CTNNA3: variants seen among roughly 807,000 people sequenced by gnomAD.
CTNNA3 encodes catenin alpha 3.
A neutral mutation model predicts 95.7 loss-of-function variants in CTNNA3; 76 were observed. That is an observed-to-expected ratio of 0.79 (90% CI 0.66 to 0.96). CTNNA3 has a LOEUF of 0.96. Ranked by LOEUF, CTNNA3 falls within the 40% of genes least tolerant of loss-of-function variation. The probability of loss-of-function intolerance (pLI) is 0.00; values close to 1 mark genes in which losing one functional copy is unlikely to be tolerated. For missense variants in CTNNA3, 1,191 were observed against 1,089.8 expected (o/e 1.09, Z -1.31); for synonymous variants, 431 against 374.4 (o/e 1.15, Z -1.74).
At chr10:67,623,995 G>A (rs1243336836) in intron 2 of CTNNA3, among the ~76,000 whole-genome samples, 1 of 152,012 alleles carries the variant, frequency 6.6e-6, no homozygotes, top group Non-Finnish European at 1.5e-5. Context: ...CTAATTTTTT[G>A]TATTTTTAGT....
At chr10:67,005,215 A>G (rs1417173266) in intron 7 of CTNNA3, among the ~76,000 whole-genome samples, 1 of 152,202 alleles carries the variant, frequency 6.6e-6, no homozygotes, top group Non-Finnish European at 1.5e-5. Context: ...CCAAAGCCAG[A>G]CAATGGTGCT....
At chr10:67,429,548 G>A (rs994075899) in intron 5 of CTNNA3, among the ~76,000 whole-genome samples, 3 of 151,966 alleles carry the variant, frequency 2.0e-5, no homozygotes, top group Non-Finnish European at 4.4e-5. Context: ...TTATTAGCTA[G>A]TAGAACTCAG....
intron 11 of CTNNA3, among the ~76,000 whole-genome samples, chr10:66,515,477 A>C: frequency 6.6e-6 from 1 of 152,202 alleles, no homozygotes; most frequent in East Asian, 1.9e-4. Context: ...CTAACTTGTC[A>C]ATTGATCTAC....
At chr10:67,116,946 TC>T (rs1297676417) in intron 7 of CTNNA3, among the ~76,000 whole-genome samples, 2 of 151,706 alleles carry the variant, frequency 1.3e-5, no homozygotes, top group Non-Finnish European at 2.9e-5. Context: ...GAACTTACTA[TC>T]TTCAAGACAC....
At chr10:66,336,199 C>G (rs2092393954) in intron 12 of CTNNA3, among the ~76,000 whole-genome samples, 1 of 152,012 alleles carries the variant, frequency 6.6e-6, no homozygotes, top group African/African-American at 2.4e-5. Flanking sequence ...AATGCCTCAC[C>G]CTGCTTCGGC....
At chr10:66,891,209 G>C (rs946910875) in intron 7 of CTNNA3, among the ~76,000 whole-genome samples, 1 of 152,058 alleles carries the variant, frequency 6.6e-6, no homozygotes, top group Non-Finnish European at 1.5e-5. Context: ...CCATTATGTA[G>C]AAACAAATAT....
At chr10:67,328,145 A>G (rs1372105953) in intron 5 of CTNNA3, among the ~76,000 whole-genome samples, 1 of 152,182 alleles carries the variant, frequency 6.6e-6, no homozygotes, top group Non-Finnish European at 1.5e-5. Context: ...ACATGCCAGC[A>G]AAGCAATGTG....
intron 17 of CTNNA3, among the ~76,000 whole-genome samples, chr10:65,954,424 C>T (rs2077688194): frequency 6.6e-6 from 1 of 152,150 alleles, no homozygotes; most frequent in Admixed American, 6.5e-5. Flanking sequence ...GCTTTTGTTG[C>T]CACTGCTTTT....
At chr10:66,512,871 G>A (rs1318414373) in intron 11 of CTNNA3, among the ~76,000 whole-genome samples, 1 of 152,102 alleles carries the variant, frequency 6.6e-6, no homozygotes. Flanking sequence ...TGAGAAATCT[G>A]CTGTTAGTCG....
At chr10:67,282,538 T>C (rs1326482954) in intron 5 of CTNNA3, among the ~76,000 whole-genome samples, 1 of 152,256 alleles carries the variant, frequency 6.6e-6, no homozygotes, top group Non-Finnish European at 1.5e-5. Flanking sequence ...AGTCTACTTT[T>C]ATGTTTTCTT....
chr10:65,953,843 C>T (rs1039427744), intron 17 of CTNNA3, among the ~76,000 whole-genome samples: 2 of 152,150 alleles, frequency 1.3e-5, no homozygotes, highest in Non-Finnish European at 2.9e-5. Context: ...CCACAATAAA[C>T]ATATGTGTGC....
At chr10:66,502,426 A>G (rs1395439751) in intron 11 of CTNNA3, among the ~76,000 whole-genome samples, 2 of 152,120 alleles carry the variant, frequency 1.3e-5, no homozygotes, top group Admixed American at 1.3e-4. Context: ...TAATCTATCT[A>G]CCTCAATAAT....
At chr10:66,078,716 T>C (rs1449047758) in intron 14 of CTNNA3, among the ~76,000 whole-genome samples, 1 of 151,940 alleles carries the variant, frequency 6.6e-6, no homozygotes. Context: ...TTTAATTGCA[T>C]TGTGTTTTCT....
chr10:67,166,607 G>GT (rs1861778762), intron 7 of CTNNA3, among the ~76,000 whole-genome samples: 1 of 152,104 alleles, frequency 6.6e-6, no homozygotes, highest in Non-Finnish European at 1.5e-5. Flanking sequence ...TAATAAAGCT[G>GT]TAACTAACAA....
intron 5 of CTNNA3, among the ~76,000 whole-genome samples, chr10:67,343,084 C>T (rs1842276648): frequency 6.6e-6 from 1 of 152,098 alleles, no homozygotes; most frequent in Admixed American, 6.5e-5. Context: ...TTCTGAGTAG[C>T]TGGGATTACA....
At chr10:67,112,741 C>A (rs1184174837) in intron 7 of CTNNA3, among the ~76,000 whole-genome samples, 1 of 151,878 alleles carries the variant, frequency 6.6e-6, no homozygotes, top group African/African-American at 2.4e-5. Context: ...TGCTGCATAA[C>A]ACTCTGTATA....
At chr10:67,308,401 T>C (rs1268643816) in intron 5 of CTNNA3, among the ~76,000 whole-genome samples, 2 of 152,206 alleles carry the variant, frequency 1.3e-5, no homozygotes, top group Non-Finnish European at 2.9e-5. Flanking sequence ...GCACATGCTC[T>C]CTTGCCTGCC....
At chr10:66,000,250 C>T (rs1220639444) in intron 15 of CTNNA3, among the ~76,000 whole-genome samples, 1 of 152,074 alleles carries the variant, frequency 6.6e-6, no homozygotes, top group Admixed American at 6.6e-5. Flanking sequence ...CTGACACTGC[C>T]TCATCCTTGA....
chr10:67,056,600 A>G (rs1855446737), intron 7 of CTNNA3, among the ~76,000 whole-genome samples: 1 of 152,178 alleles, frequency 6.6e-6, no homozygotes, highest in South Asian at 2.1e-4. Flanking sequence ...TAAAATATCC[A>G]CATTCCTAAG....
Sources: allele counts gnomAD v4.1 joint callset (sites outside exome capture counted in the v4.1 genomes callset), GRCh38; gene constraint gnomAD v4.1.1; transcripts MANE v1.5; gene names NCBI Gene and HGNC (gene_info 2026-07-23, HGNC 2026-07-21).